TSHZ2: variants seen among roughly 807,000 people sequenced by gnomAD.
TSHZ2 encodes the protein teashirt zinc finger homeobox 2.
In TSHZ2, 21 loss-of-function variants were observed where a neutral mutation model predicts 74.4. That is an observed-to-expected ratio of 0.28 (90% confidence interval 0.20 to 0.41). The LOEUF is 0.41. TSHZ2 is among the 10% of genes least tolerant of loss of function. TSHZ2 has a pLI of 1.00. For synonymous variants in TSHZ2, 540 were observed against 515.3 expected, an observed-to-expected ratio of 1.05 and a Z score of -0.65; for missense variants, 1,244 against 1,293.5, an observed-to-expected ratio of 0.96 and a Z score of 0.59.
chr20:53,350,485 G>T (rs1266432541), intron 2 of TSHZ2, among the ~76,000 whole-genome samples: 1 of 152,164 alleles, frequency 6.6e-6, no homozygotes, highest in Non-Finnish European at 1.5e-5. Context: ...GTTATTCAAG[G>T]GGTCTAACCC....
chr20:53,236,105 A>G (rs1468950661), intron 1 of TSHZ2, among the ~76,000 whole-genome samples: 1 of 152,242 alleles, frequency 6.6e-6, no homozygotes, highest in Admixed American at 6.5e-5. Flanking sequence ...CAGGTTAACC[A>G]TGTAAATCTG....
chr20:53,391,686 T>C (rs1294433058), intron 2 of TSHZ2, among the ~76,000 whole-genome samples: 1 of 152,174 alleles, frequency 6.6e-6, no homozygotes, highest in African/African-American at 2.4e-5. Context: ...CTCTCGCCTG[T>C]AATCCCAACA....
intron 1 of TSHZ2, among the ~76,000 whole-genome samples, chr20:52,983,176 A>C (rs1316593217): frequency 6.6e-6 from 1 of 152,206 alleles, no homozygotes; most frequent in Non-Finnish European, 1.5e-5. Flanking sequence ...GTCCAACTGC[A>C]GCCAGCTGTG....
rs148456384 is a variant in TSHZ2, at chr20:53,167,567, T to TTG, written c.41-85916_41-85915dup. On this transcript the variant is annotated intron_variant, in intron 1 of 2. Transcript: ENST00000371497. ...ATGTTTTGTTTGTTTGCTTGCTTGT[T>TTG]TGTGTGTGTGTGTGTGTTTGTGTGT... Among the ~76,000 whole-genome samples, 205 of 151,188 alleles carry TTG rather than the reference T, an allele frequency of 1.4e-3. 2 individuals carry two copies. Among genetic ancestry groups the TTG allele is most frequent in the Admixed American group, 3.3e-3 (50 of 15,180 alleles).
Position 53,000,172 on chromosome 20 carries a change from C to T in TSHZ2, c.40+26839C>T, listed in dbSNP as rs139729852. ...GACAAACTGTGACCTGTGAGCTAAA[C>T]GCCACCTGTTTTTGTATGACCTATG... is the stretch of plus-strand genomic sequence containing the variant. On this transcript the variant is annotated intron_variant, in intron 1 of 2. Transcript: ENST00000371497. Among the ~76,000 whole-genome samples the T allele has an allele frequency of 3.3e-5, 5 of 152,270 alleles. No homozygotes were observed. In the East Asian group the frequency reaches 9.6e-4, roughly 29 times the overall value.
intron 2 of TSHZ2, among the ~76,000 whole-genome samples, chr20:53,270,316 C>A (rs1990808843): frequency 6.6e-6 from 1 of 152,176 alleles, no homozygotes. Flanking sequence ...GAGCCCAATT[C>A]TTGCCTCCCG....
chr20:53,452,278 A>C (rs2145785560), intron 2 of TSHZ2, among the ~76,000 whole-genome samples: 1 of 152,290 alleles, frequency 6.6e-6, no homozygotes, highest in South Asian at 2.1e-4. Flanking sequence ...TAGTTACAGG[A>C]ATTTAACACC....
intron 2 of TSHZ2, among the ~76,000 whole-genome samples, chr20:53,372,952 C>G (rs1269544574): frequency 6.6e-6 from 1 of 152,140 alleles, no homozygotes; most frequent in Non-Finnish European, 1.5e-5. Context: ...AGAAAACTGC[C>G]CTTACCTTTC....
intron 1 of TSHZ2, among the ~76,000 whole-genome samples, chr20:53,042,052 GA>G (rs542593949): frequency 1.4e-4 from 21 of 147,840 alleles, no homozygotes; most frequent in Middle Eastern, 3.4e-3. Context: ...CCAAATGTGG[GA>G]AAAAAAAAAC....
In TSHZ2 at chr20:53,108,153, C is replaced by A. The variant is rs115886744; in HGVS notation, c.40+134820C>A. Among the ~76,000 whole-genome samples the A allele has an allele frequency of 3.2e-3, 484 of 152,308 alleles. 2 individuals carry two copies. Among genetic ancestry groups the A allele is most frequent in the African/African-American group, 0.011 (470 of 41,566 alleles). ...ATCTGAATTTTTAAATGCATCCCAACCACTCATGTTTACTCTTACTCCTGT... is the reference window on the plus strand; with the variant it reads ...ATCTGAATTTTTAAATGCATCCCAAACACTCATGTTTACTCTTACTCCTGT... On this transcript the variant is annotated intron_variant, in intron 1 of 2. Transcript: ENST00000371497.
At chr20:53,409,506 A>T (rs184134044) in intron 2 of TSHZ2, among the ~76,000 whole-genome samples, 110 of 152,276 alleles carry the variant, frequency 7.2e-4, no homozygotes, top group Non-Finnish European at 1.4e-3. Flanking sequence ...CACAAGCCCA[A>T]TTTCTGCAGA....
chr20:53,278,609 A>C (rs6022371), intron 2 of TSHZ2, among the ~76,000 whole-genome samples: 64,295 of 152,076 alleles, frequency 0.42, 17,911 homozygotes, highest in African/African-American at 0.8. Context: ...CAATAAGCTA[A>C]CATTTCATGA....
rs146464486 is a variant in TSHZ2 at position 53,080,419 on chromosome 20, C to T, written c.40+107086C>T. On this transcript the variant is annotated intron_variant, in intron 1 of 2. Coordinates refer to ENST00000371497, the MANE Select transcript of TSHZ2 (RefSeq NM_173485.6). ...TACAAGTGTACACATTTAACAAATGCATTGAATCCTCTATTAACATTGCAA... is the reference window on the plus strand; with the variant it reads ...TACAAGTGTACACATTTAACAAATGTATTGAATCCTCTATTAACATTGCAA... Among the ~76,000 whole-genome samples the T allele has an allele frequency of 1.1e-4, 17 of 152,276 alleles. 1 individual carries two copies. In the East Asian group the frequency reaches 3.1e-3, roughly 28 times the overall value.
chr20:53,200,434 A>C (rs1313361171), intron 1 of TSHZ2, among the ~76,000 whole-genome samples: 2 of 152,220 alleles, frequency 1.3e-5, no homozygotes, highest in Non-Finnish European at 2.9e-5. Context: ...TCTGGGAGTG[A>C]TTGGAAACTT....
In TSHZ2 at chr20:53,217,676, GA is replaced by G. The variant is rs547309561; in HGVS notation, c.41-35821del. Among the ~76,000 whole-genome samples the G allele has an allele frequency of 1.7e-3, 259 of 152,268 alleles. 1 individual carries two copies. Among genetic ancestry groups the G allele is most frequent in the African/African-American group, 5.0e-3 (209 of 41,562 alleles). On this transcript the variant is annotated intron_variant, in intron 1 of 2. Transcript: ENST00000371497. The stretch of plus-strand genomic sequence containing the variant: ...GGGCCAGTAACGTCAGAACTTCTCA[GA>G]AGGCATCTATCCTTAAGTGTGAAAT...
rs45564637 is a variant in TSHZ2 at position 53,255,921 on chromosome 20, G to A, written c.2463G>A (p.Leu821=). 666 of 1,614,112 alleles carry A rather than the reference G, an allele frequency of 4.1e-4. No homozygotes were observed. In the African/African-American group the frequency reaches 4.8e-3, roughly 12 times the overall value. Reference sequence around the variant, plus strand: ...CCTCCAGGGTCCCCCCCATGAAGCTGGAAATGGATGTCAGGCGCTTTGAGG... The same window carrying A: ...CCTCCAGGGTCCCCCCCATGAAGCTAGAAATGGATGTCAGGCGCTTTGAGG... ...ASSSRVPPMK[L]EMDVRRFEDV... is the part of the protein sequence containing the mutation. Residue 821 remains leucine, a synonymous_variant, in exon 2 of 3, where the codon CTG becomes CTA. Transcript: ENST00000371497. This position sits in a 1 kb window ranked among gnomAD's most constrained non-coding sequence, Gnocchi z 4.1.
At chr20:53,214,654 G>T (rs1004138052) in intron 1 of TSHZ2, among the ~76,000 whole-genome samples, 1 of 152,116 alleles carries the variant, frequency 6.6e-6, no homozygotes, top group Non-Finnish European at 1.5e-5. Flanking sequence ...TGGAGGCCGA[G>T]GTGACCAGAG....
At chr20:53,158,312 G>C (rs1035534210) in intron 1 of TSHZ2, among the ~76,000 whole-genome samples, 1 of 152,162 alleles carries the variant, frequency 6.6e-6, no homozygotes, top group African/African-American at 2.4e-5. Context: ...GATGAGGCTA[G>C]AAGGTTTGGG....
chr20:53,153,542 G>A (rs1006366494), intron 1 of TSHZ2, among the ~76,000 whole-genome samples: 1 of 152,178 alleles, frequency 6.6e-6, no homozygotes, highest in African/African-American at 2.4e-5. Flanking sequence ...TGTGAAAGGT[G>A]GAGGACTAAT....
Sources: gnomAD v4.1 joint callset for allele counts (sites outside exome capture counted in the v4.1 genomes callset) on GRCh38, gnomAD v4.1.1 for gene constraint, Gnocchi (gnomAD v3.1) non-coding constraint, MANE v1.5 for transcripts, NCBI Gene and HGNC (gene_info 2026-07-23, HGNC 2026-07-21) for gene names.